RYR1: variants seen among roughly 807,000 people sequenced by gnomAD.
RYR1 encodes ryanodine receptor 1.
In RYR1, 342 loss-of-function variants were observed where a neutral mutation model predicts 583.5. The ratio of observed to expected loss-of-function variants is 0.59; its 90% CI spans 0.54 to 0.64. The LOEUF is 0.64. Ranked by LOEUF, RYR1 falls within the 30% of genes least tolerant of loss-of-function variation. RYR1 has a pLI of 0.00. For missense variants in RYR1, 6,032 were observed against 6,917.2 expected, an observed-to-expected ratio of 0.87 and a Z score of 4.54; for synonymous variants, 2,791 against 2,822.5, an observed-to-expected ratio of 0.99 and a Z score of 0.35.
chr19:38,496,679 T>C lies in RYR1; in HGVS notation c.6796+138T>C. On this transcript the variant is annotated intron_variant, in intron 41 of 105. Transcript: ENST00000359596. This position sits in a 1 kb window ranked among gnomAD's most constrained non-coding sequence, Gnocchi z 4.8. ...GTGGTTCTGGCCCTGTAATGAGTAATGCTGGGGACACAATAGTGACCCCAA... is the reference window on the plus strand; with the variant it reads ...GTGGTTCTGGCCCTGTAATGAGTAACGCTGGGGACACAATAGTGACCCCAA... 8.1e-7 allele frequency: 1 copy of C among 1,234,708 alleles called. No homozygotes were observed. 76.5% of individuals were successfully genotyped at this position (1,234,708 alleles called of 1,614,324 possible).
Position 38,494,378 on chromosome 19 carries a change from A to G in RYR1, c.6301A>G (p.Met2101Val), listed in dbSNP as rs531823936. Residue 2101 changes from methionine (M) to valine (V), a missense_variant, in exon 39 of 106, where the codon ATG becomes GTG. By Grantham distance (21) the Met-to-Val change is conservative. Transcript: ENST00000359596. Reference sequence around the variant, plus strand: ...GTCCCTGCAGGAGCTGGTGTCCCACATGGTGGTGCGCTGGGCCCAAGAGGA... The same window carrying G: ...GTCCCTGCAGGAGCTGGTGTCCCACGTGGTGGTGCGCTGGGCCCAAGAGGA... Reference protein sequence around the residue: ...PRSLQELVSHMVVRWAQEDFV... With the variant: ...PRSLQELVSHVVVRWAQEDFV... 30 of 1,611,514 alleles carry G rather than the reference A, an allele frequency of 1.9e-5. No homozygotes were observed. Among genetic ancestry groups the G allele is most frequent in the South Asian group, 1.1e-5 (1 of 90,994 alleles).
At position 38,535,063 on chromosome 19, in the gene RYR1, G is replaced by C. The variant is rs1813889015; in HGVS notation, c.11360-78G>C. ...TAAATCCCCTTCTCTCACATCCCTTGGGATGGCTGTTTTCTGGTGGGTGGA... is the reference window on the plus strand; with the variant it reads ...TAAATCCCCTTCTCTCACATCCCTTCGGATGGCTGTTTTCTGGTGGGTGGA... On this transcript the variant is annotated intron_variant, in intron 79 of 105. Transcript: ENST00000359596. The C allele has an allele frequency of 2.8e-6, 4 of 1,432,628 alleles. No individual in the cohort carries two copies. In the African/African-American group the frequency reaches 5.6e-5, roughly 20 times the overall value. 88.7% of individuals were successfully genotyped at this position (1,432,628 alleles called of 1,614,324 possible).
chr19:38,502,878 A>C lies in RYR1; in HGVS notation c.7836-2A>C. Reference sequence around the variant, plus strand: ...TTCTACATCTTGTGCATTGTCCCGCAGGTACATCCGCCCGTCGATGCTGCA... The same window carrying C: ...TTCTACATCTTGTGCATTGTCCCGCCGGTACATCCGCCCGTCGATGCTGCA... On this transcript the variant is annotated splice_acceptor_variant, in intron 48 of 105. Coordinates refer to ENST00000359596, the MANE Select transcript of RYR1 (RefSeq NM_000540.3). LOFTEE classifies it high-confidence loss of function. 1 of 1,610,392 alleles carries C rather than the reference A, an allele frequency of 6.2e-7. No individual in the cohort carries two copies. Among genetic ancestry groups the C allele is most frequent in the Non-Finnish European group, 8.5e-7 (1 of 1,179,900 alleles).
intron 42 of RYR1, among the ~76,000 whole-genome samples, chr19:38,497,636 G>C (rs1969907677): frequency 6.6e-6 from 1 of 152,166 alleles, no homozygotes. Flanking sequence ...CAAATATGTA[G>C]TGTTAGCTTA....
At chr19:38,470,263 T>G (rs920233355) in intron 27 of RYR1, among the ~76,000 whole-genome samples, 9 of 151,452 alleles carry the variant, frequency 5.9e-5, no homozygotes, top group Non-Finnish European at 2.9e-5. Flanking sequence ...AAAAAAAATT[T>G]TTTTTTAATA....
chr19:38,528,765 A>G lies in RYR1; in HGVS notation c.11034+70A>G, dbSNP rs922993261. 4 of 1,532,126 alleles carry G rather than the reference A, an allele frequency of 2.6e-6. No homozygotes were observed. In the African/African-American group the frequency reaches 5.5e-5, roughly 21 times the overall value. The allele number at this position is 1,532,126 out of a possible 1,614,324, so 94.9% of individuals were successfully genotyped here. The stretch of plus-strand genomic sequence containing the variant: ...GGCTGGGGCGGAGGCCACCCTTGGC[A>G]CACCTCCAGGGGTCGGCCCTCCACA... On this transcript the variant is annotated intron_variant, in intron 75 of 105. Transcript: ENST00000359596.
intron 88 of RYR1, 38 bp from the exon 89 acceptor site, chr19:38,548,195 A>C: frequency 6.2e-7 from 1 of 1,612,334 alleles, no homozygotes; most frequent in Non-Finnish European, 8.5e-7. Flanking sequence ...CCCAGAAGGG[A>C]GTGTTCACCG....
chr19:38,434,580 G>T (rs1290001177), intron 1 of RYR1, among the ~76,000 whole-genome samples: 1 of 152,112 alleles, frequency 6.6e-6, no homozygotes, highest in East Asian at 1.9e-4. Context: ...TCTCTAGCTG[G>T]GTTACTCCCT....
chr19:38,490,754 G>C (rs762867807), intron 37 of RYR1, 22 bp downstream of exon 37: 11 of 1,479,956 alleles, frequency 7.4e-6, no homozygotes, highest in Middle Eastern at 1.7e-4. Context: ...GGATCAGAGA[G>C]TCCTCCCCAT....
chr19:38,497,763 C>T (rs566193759), intron 42 of RYR1, among the ~76,000 whole-genome samples: 2 of 152,164 alleles, frequency 1.3e-5, no homozygotes, highest in East Asian at 1.9e-4. Context: ...CACTTAAGCT[C>T]AGGAGTTTAA....
intron 102 of RYR1, among the ~76,000 whole-genome samples, chr19:38,585,695 C>G (rs1365799987): frequency 6.6e-6 from 1 of 151,922 alleles, no homozygotes; most frequent in Non-Finnish European, 1.5e-5. Context: ...GTTGGCCAGG[C>G]TGCTCTTGAA....
chr19:38,448,616 G>A (rs975911790), intron 10 of RYR1, 33 bp from the exon 11 acceptor site: 1 of 1,614,062 alleles, frequency 6.2e-7, no homozygotes, highest in African/African-American at 1.3e-5. Context: ...CACACAGGCA[G>A]AGGAGGCTGA....
chr19:38,440,713 C>G lies in RYR1; in HGVS notation c.46-32C>G, dbSNP rs1310848768. 2.5e-6 allele frequency: 4 copies of G among 1,601,798 alleles called. No homozygotes were observed. The Admixed American group carries it at 5.0e-5, about 20-fold the overall frequency. On this transcript the variant is annotated intron_variant, in intron 1 of 105. Transcript: ENST00000359596. ...AGTATTTGTGGTATCCGGGCCAGGC[C>G]CCCCTGGAGACGCTGCCCCTCGGTT...
At chr19:38,569,553 A>C (rs1973617623) in intron 93 of RYR1, among the ~76,000 whole-genome samples, 1 of 101,976 alleles carries the variant, frequency 9.8e-6, no homozygotes, top group Non-Finnish European at 1.9e-5. Flanking sequence ...ACCTTGACTC[A>C]AAAAAAAAAA....
intron 34 of RYR1, among the ~76,000 whole-genome samples, chr19:38,488,647 G>A (rs778156877): frequency 1.6e-4 from 24 of 152,052 alleles, no homozygotes; most frequent in Non-Finnish European, 2.9e-4. Flanking sequence ...GAATACAGGC[G>A]TGCACCACCA....
intron 94 of RYR1, among the ~76,000 whole-genome samples, chr19:38,571,173 G>A (rs1330737620): frequency 1.3e-5 from 2 of 152,202 alleles, no homozygotes; most frequent in Non-Finnish European, 2.9e-5. Context: ...CTAGATAACA[G>A]GACAGTAAGG....
chr19:38,525,985 C>T (rs1392943317), intron 71 of RYR1, among the ~76,000 whole-genome samples: 3 of 151,982 alleles, frequency 2.0e-5, no homozygotes, highest in Non-Finnish European at 4.4e-5. Flanking sequence ...GCCCTTGGCT[C>T]ACCATCCCTT....
intron 97 of RYR1, among the ~76,000 whole-genome samples, chr19:38,576,757 G>A (rs911275815): frequency 5.3e-5 from 8 of 151,932 alleles, no homozygotes; most frequent in Non-Finnish European, 7.4e-5. Context: ...CCGAGATCGC[G>A]CCATTGCATT....
chr19:38,499,017 C>G lies in RYR1; in HGVS notation c.6892-91C>G. The G allele has an allele frequency of 6.5e-7, 1 of 1,543,568 alleles. No homozygotes were observed. Among genetic ancestry groups the G allele is most frequent in the Non-Finnish European group, 8.8e-7 (1 of 1,136,944 alleles). On this transcript the variant is annotated intron_variant, in intron 42 of 105. Coordinates refer to ENST00000359596, the MANE Select transcript of RYR1 (RefSeq NM_000540.3). The surrounding 1 kb of genome is among the most constrained non-coding windows in gnomAD (Gnocchi z 7.3). Reference sequence around the variant, plus strand: ...ATCAGAGCTGAACCGGACTGAGGAGCCGCAGGGCAGGGCAGGGCAGGGCAG... The same window carrying G: ...ATCAGAGCTGAACCGGACTGAGGAGGCGCAGGGCAGGGCAGGGCAGGGCAG...
Sources: allele counts gnomAD v4.1 joint callset (sites outside exome capture counted in the v4.1 genomes callset), GRCh38; gene constraint gnomAD v4.1.1; non-coding constraint Gnocchi (gnomAD v3.1); transcripts MANE v1.5; gene names NCBI Gene and HGNC (gene_info 2026-07-23, HGNC 2026-07-21).